Variants in ADAM12 observed in about 807,000 individuals in gnomAD.
The protein encoded by ADAM12 is ADAM metallopeptidase domain 12.
Under a neutral mutation model 106.4 loss-of-function variants are expected in ADAM12, and 70 were observed. The observed-to-expected ratio is 0.66, with a 90% CI of 0.54 to 0.80. ADAM12 has a LOEUF of 0.80. Ranked by LOEUF, ADAM12 falls within the 30% of genes least tolerant of loss-of-function variation. The pLI is 0.00. For missense variants in ADAM12, 1,010 were observed against 1,171.9 expected (o/e 0.86, Z 2.02); for synonymous variants, 420 against 433.5 (o/e 0.97, Z 0.39).
At chr10:126,118,616 T>G (rs776026963) in intron 5 of ADAM12, among the ~76,000 whole-genome samples, 1 of 152,228 alleles carries the variant, frequency 6.6e-6, no homozygotes, top group Non-Finnish European at 1.5e-5. Flanking sequence ...TGTTTACTTT[T>G]AAAATATTTC....
At chr10:126,385,482 CTTA>C (rs1856631032) in intron 1 of ADAM12, among the ~76,000 whole-genome samples, 1 of 152,146 alleles carries the variant, frequency 6.6e-6, no homozygotes, top group East Asian at 1.9e-4. Context: ...AGACATATTT[CTTA>C]TTATATCACA....
chr10:126,268,850 T>G (rs1590710262), intron 3 of ADAM12, among the ~76,000 whole-genome samples: 1 of 151,926 alleles, frequency 6.6e-6, no homozygotes, highest in East Asian at 1.9e-4. Flanking sequence ...TGTCAAAGAG[T>G]TACAGGAAAG....
chr10:126,064,617 T>A lies in ADAM12; in HGVS notation c.1609+189A>T. 1 of 613,546 alleles carries A rather than the reference T, an allele frequency of 1.6e-6. No individual in the cohort carries two copies. Among genetic ancestry groups the A allele is most frequent in the African/African-American group, 1.8e-5 (1 of 54,094 alleles). The allele number at this position is 613,546 out of a possible 1,614,324, so 38.0% of individuals were successfully genotyped here. ...AGGCTCCAGGCAGTGTCCATTTCTGTGCACCCCATGCCCAGTGCGGCCTCA... is the reference window on the plus strand; with the variant it reads ...AGGCTCCAGGCAGTGTCCATTTCTGAGCACCCCATGCCCAGTGCGGCCTCA... On this transcript the variant is annotated intron_variant, in intron 14 of 22. Transcript: ENST00000448723. This position sits in a 1 kb window ranked among gnomAD's most constrained non-coding sequence, Gnocchi z 4.4.
chr10:126,015,071 C>A lies in ADAM12; in HGVS notation c.*2208G>T, dbSNP rs1953639290. On this transcript the variant is annotated 3_prime_UTR_variant, in exon 23 of 23. Coordinates refer to ENST00000448723, the MANE Select transcript of ADAM12 (RefSeq NM_001288973.2). ...ATATTAGTTTAAATATGTTCTTATT[C>A]AGAAATAAAATGCATGGCTCTATAA... is the stretch of plus-strand genomic sequence containing the variant. 1 of 152,072 alleles carries A rather than the reference C, an allele frequency of 6.6e-6. No homozygotes were observed. The highest frequency in any genetic ancestry group is 1.5e-5 in the Non-Finnish European group (1 of 68,010). 9.4% of individuals were successfully genotyped at this position (152,072 alleles called of 1,614,324 possible).
intron 2 of ADAM12, among the ~76,000 whole-genome samples, chr10:126,288,329 A>C (rs1220563408): frequency 5.3e-5 from 8 of 152,178 alleles, no homozygotes; most frequent in Non-Finnish European, 1.2e-4. Flanking sequence ...TATACAAATG[A>C]CCAATGAATG....
intron 21 of ADAM12, among the ~76,000 whole-genome samples, chr10:126,030,995 G>A (rs1008639672): frequency 2.6e-5 from 4 of 152,144 alleles, no homozygotes; most frequent in African/African-American, 9.7e-5. Context: ...GCTGTGCCTG[G>A]GATCAGTCTA....
intron 1 of ADAM12, among the ~76,000 whole-genome samples, chr10:126,363,560 C>A (rs961775453): frequency 6.6e-6 from 1 of 152,160 alleles, no homozygotes; most frequent in Non-Finnish European, 1.5e-5. Context: ...GCTTCCCTGA[C>A]ATGTCAATGG....
At chr10:126,167,881 G>C (rs1295282524) in intron 3 of ADAM12, among the ~76,000 whole-genome samples, 1 of 152,154 alleles carries the variant, frequency 6.6e-6, no homozygotes, top group African/African-American at 2.4e-5. Flanking sequence ...CCATTTTATA[G>C]ATATAGGAAT....
intron 3 of ADAM12, among the ~76,000 whole-genome samples, chr10:126,196,393 G>A (rs892157766): frequency 2.6e-5 from 4 of 152,210 alleles, no homozygotes; most frequent in African/African-American, 9.7e-5. Context: ...GCCTGCTTTG[G>A]CATCCTGCTG....
chr10:126,124,745 T>G (rs1476617320), intron 5 of ADAM12, among the ~76,000 whole-genome samples: 2 of 151,462 alleles, frequency 1.3e-5, no homozygotes, highest in African/African-American at 4.9e-5. Flanking sequence ...ATACAAAAAT[T>G]AGCATGTGTG....
At chr10:126,336,067 G>GA (rs1183880335) in intron 1 of ADAM12, among the ~76,000 whole-genome samples, 2 of 152,126 alleles carry the variant, frequency 1.3e-5, no homozygotes, top group Admixed American at 6.5e-5. Flanking sequence ...CTGAGCAACA[G>GA]AAAAAATGCA....
rs560391634 is a variant in ADAM12, at chr10:126,229,656, TC to T, written c.260+49258del. On this transcript the variant is annotated intron_variant, in intron 3 of 22. Coordinates refer to ENST00000448723, the MANE Select transcript of ADAM12 (RefSeq NM_001288973.2). ...TCTCTTCCTCTTCCCCCCCACTGTC[TC>T]CCTCCAGTCCTATTCTCTTTATCTC... Among the ~76,000 whole-genome samples, 27 of 111,066 alleles carry T rather than the reference TC, an allele frequency of 2.4e-4. 1 individual carries two copies. In the Admixed American group the frequency reaches 3.1e-3, roughly 13 times the overall value. 72.9% of individuals were successfully genotyped at this position (111,066 alleles called of 152,430 possible).
intron 3 of ADAM12, among the ~76,000 whole-genome samples, chr10:126,178,328 CAAATT>C: frequency 1.3e-5 from 2 of 150,210 alleles, no homozygotes; most frequent in Middle Eastern, 3.6e-3. Context: ...ACCTTAAACT[CAAATT>C]AATAAAACAG....
chr10:126,169,578 T>G (rs115191535), intron 3 of ADAM12, among the ~76,000 whole-genome samples: 34 of 152,240 alleles, frequency 2.2e-4, no homozygotes, highest in African/African-American at 7.2e-4. Flanking sequence ...GAGGACTTCT[T>G]TCTACTCTAA....
At chr10:126,191,348 G>A (rs980066641) in intron 3 of ADAM12, among the ~76,000 whole-genome samples, 3 of 152,184 alleles carry the variant, frequency 2.0e-5, no homozygotes, top group African/African-American at 4.8e-5. Flanking sequence ...TAGTTTATGC[G>A]TTAATCCTTC....
intron 2 of ADAM12, among the ~76,000 whole-genome samples, chr10:126,318,246 TCACA>T (rs1853956889): frequency 6.6e-6 from 1 of 150,780 alleles, no homozygotes; most frequent in Non-Finnish European, 1.5e-5. Context: ...ACACACACTC[TCACA>T]CATTCTTATA....
intron 1 of ADAM12, among the ~76,000 whole-genome samples, chr10:126,350,409 G>A (rs960689728): frequency 6.6e-6 from 1 of 152,194 alleles, no homozygotes; most frequent in African/African-American, 2.4e-5. Context: ...AGTGAAGCAA[G>A]TTCTCTACAA....
intron 3 of ADAM12, among the ~76,000 whole-genome samples, chr10:126,219,527 A>C (rs1161014389): frequency 6.6e-6 from 1 of 152,222 alleles, no homozygotes; most frequent in Non-Finnish European, 1.5e-5. Flanking sequence ...AATGTCCATA[A>C]ATCCAATTGT....
chr10:126,058,568 G>T (rs907033948), intron 14 of ADAM12, among the ~76,000 whole-genome samples: 1 of 152,286 alleles, frequency 6.6e-6, no homozygotes, highest in Admixed American at 6.5e-5. Flanking sequence ...AACCAAAGGG[G>T]GCTGAGTGCT....
Sources: gnomAD v4.1 joint callset for allele counts (sites outside exome capture counted in the v4.1 genomes callset) on GRCh38, gnomAD v4.1.1 for gene constraint, Gnocchi (gnomAD v3.1) non-coding constraint, MANE v1.5 for transcripts, NCBI Gene and HGNC (gene_info 2026-07-23, HGNC 2026-07-21) for gene names.